The following AGRN variants were observed in gnomAD, a reference collection of about 807,000 sequenced individuals.
The protein encoded by AGRN is agrin proteoglycan.
In AGRN, 106 loss-of-function variants were observed where a neutral mutation model predicts 211.0. That is an observed-to-expected ratio of 0.50 (90% CI 0.43 to 0.59). AGRN has a LOEUF of 0.59. Among genes scored for constraint, AGRN ranks in the 20% least tolerant of loss-of-function variants. AGRN has a pLI of 0.00. For missense variants in AGRN, 3,040 were observed against 2,982.6 expected (o/e 1.02, Z -0.45); for synonymous variants, 1,525 against 1,332.5 (o/e 1.14, Z -3.15).
chr1:1,055,390 C>T lies in AGRN; in HGVS notation c.*409C>T. Reference sequence around the variant, plus strand: ...GTGACCCCACAGGGCCTTTCCAAGCCCCCATTTGAGCTGCTCCTTCCTGTG... The same window carrying T: ...GTGACCCCACAGGGCCTTTCCAAGCTCCCATTTGAGCTGCTCCTTCCTGTG... On this transcript the variant is annotated 3_prime_UTR_variant, in exon 36 of 36. Coordinates refer to ENST00000379370, the MANE Select transcript of AGRN (RefSeq NM_198576.4). 2 of 345,332 alleles carry T rather than the reference C, an allele frequency of 5.8e-6. No homozygotes were observed. The highest frequency in any genetic ancestry group is 1.1e-5 in the Non-Finnish European group (2 of 176,582). The allele number at this position is 345,332 out of a possible 1,614,324, so 21.4% of individuals were successfully genotyped here.
At chr1:1,046,117 G>T (rs760753192) in intron 16 of AGRN, 29 bp downstream of exon 16, 2 of 1,613,972 alleles carry the variant, frequency 1.2e-6, no homozygotes, top group Admixed American at 1.7e-5. Context: ...GAAGGGGAGT[G>T]GGGAGGAGGC....
rs768957231 is a variant in AGRN at position 1,048,997 on chromosome 1, T to A, written c.4236T>A (p.Asn1412Lys). Residue 1412 changes from asparagine to lysine, a missense_variant, in exon 24 of 36, where the codon AAT becomes AAA. Around this residue, in one of 3 missense-constraint regions of AGRN, gnomAD observed 1,537 missense variants for 1,505.0 expected, o/e 1.02. Transcript: ENST00000379370. This position sits in a 1 kb window ranked among gnomAD's most constrained non-coding sequence, Gnocchi z 5.9. Reference protein sequence around the residue: ...ALEPQGLLLYNGNARGKDFLA... With the variant: ...ALEPQGLLLYKGNARGKDFLA... ...AGCCTCAGGGGCTGCTGCTGTACAATGGCAACGCCCGGGGCAAGGACTTCC... is the reference window on the plus strand; with the variant it reads ...AGCCTCAGGGGCTGCTGCTGTACAAAGGCAACGCCCGGGGCAAGGACTTCC... The A allele has an allele frequency of 8.2e-6, 13 of 1,577,822 alleles. No individual in the cohort carries two copies. Among genetic ancestry groups the A allele is most frequent in the Non-Finnish European group, 1.1e-5 (13 of 1,164,242 alleles).
intron 12 of AGRN, 134 bp from the exon 13 acceptor site, chr1:1,045,027 C>T: frequency 2.1e-6 from 2 of 930,736 alleles, no homozygotes; most frequent in Admixed American, 3.8e-5. Context: ...CAGCCCCAGG[C>T]TCCCGGGCTC....
chr1:1,034,953 G>A (rs1274968469), intron 2 of AGRN: 3 of 475,584 alleles, frequency 6.3e-6, no homozygotes, highest in African/African-American at 5.8e-5. Context: ...TACACTGAGA[G>A]CCGGCAGTTG....
rs144883257 is a variant in AGRN, at chr1:1,032,776, G to C, written c.464-2501G>C. On this transcript the variant is annotated intron_variant, in intron 2 of 35. Transcript: ENST00000379370. This position sits in a 1 kb window ranked among gnomAD's most constrained non-coding sequence, Gnocchi z 4.7. ...CATTGCAGGGACAGAGGAGAGGGCA[G>C]GGTAATGGGTGCGCAGGGGTCCCTT... Among the ~76,000 whole-genome samples the C allele has an allele frequency of 6.6e-5, 10 of 152,318 alleles. No homozygotes were observed. Among genetic ancestry groups the C allele is most frequent in the East Asian group, 5.8e-4 (3 of 5,188 alleles).
intron 25 of AGRN, 21 bp downstream of exon 25, chr1:1,049,472 T>G: frequency 6.2e-7 from 1 of 1,600,250 alleles, no homozygotes; most frequent in African/African-American, 1.3e-5. Flanking sequence ...TGGAGGGTGG[T>G]GTGGCCCCGA....
At chr1:1,042,423 C>T (rs746013473) in intron 7 of AGRN, among the ~76,000 whole-genome samples, 2 of 152,186 alleles carry the variant, frequency 1.3e-5, no homozygotes, top group African/African-American at 2.4e-5. Flanking sequence ...AGTCCTCTGG[C>T]CTGTCCGCAT....
chr1:1,027,510 C>T (rs548941436), intron 2 of AGRN, among the ~76,000 whole-genome samples: 1 of 152,196 alleles, frequency 6.6e-6, no homozygotes, highest in South Asian at 2.1e-4. Flanking sequence ...CTCTCCTGCC[C>T]CCTGCTCACT....
intron 34 of AGRN, among the ~76,000 whole-genome samples, 198 bp downstream of exon 34, chr1:1,054,175 A>G (rs1042263686): frequency 6.6e-6 from 1 of 152,206 alleles, no homozygotes; most frequent in Non-Finnish European, 1.5e-5. Context: ...TCTGAAAGGC[A>G]TCCCGGCCCT....
intron 2 of AGRN, among the ~76,000 whole-genome samples, chr1:1,022,877 G>A (rs1345671251): frequency 1.3e-5 from 2 of 152,186 alleles, no homozygotes; most frequent in East Asian, 1.9e-4. Context: ...GAGATCGGGC[G>A]GGAGGGCGAG....
At position 1,040,758 on chromosome 1, in the gene AGRN, GC is replaced by G; in HGVS notation, c.609del (p.Ser204AlafsTer48). ...RASCVCKKSPCPSVVAPVCGS... is the reference protein window; with the variant it reads ...RASCVCKKSPXPSVVAPVCGS... ...TCCTGCGTCTGCAAGAAGAGCCCGTGCCCCAGCGTGGTGGCGCCTGTGTGTG... is the reference window on the plus strand; with the variant it reads ...TCCTGCGTCTGCAAGAAGAGCCCGTGCCCAGCGTGGTGGCGCCTGTGTGTG... On this transcript the variant is annotated frameshift_variant, in exon 4 of 36. Transcript: ENST00000379370. LOFTEE classifies it high-confidence loss of function. 6.5e-7 allele frequency: 1 copy of G among 1,542,758 alleles called. No homozygotes were observed.
chr1:1,041,425 G>C (rs1293414485), intron 5 of AGRN, 28 bp downstream of exon 5: 4 of 1,547,102 alleles, frequency 2.6e-6, no homozygotes, highest in Non-Finnish European at 2.6e-6. Context: ...CGCACGGCTC[G>C]AGCTCTGTGG....
intron 2 of AGRN, among the ~76,000 whole-genome samples, chr1:1,028,295 G>C (rs1284574194): frequency 3.3e-5 from 5 of 149,352 alleles, no homozygotes; most frequent in African/African-American, 1.2e-4. Flanking sequence ...TCCCCTGCTG[G>C]CCGTTCTCTC....
intron 2 of AGRN, among the ~76,000 whole-genome samples, chr1:1,028,094 G>A (rs958258559): frequency 2.0e-5 from 3 of 152,120 alleles, no homozygotes; most frequent in Admixed American, 1.3e-4. Flanking sequence ...ACACACTCAC[G>A]GTTGGCACCT....
chr1:1,040,728 G>T lies in AGRN; in HGVS notation c.575G>T (p.Arg192Leu), dbSNP rs1319735888. 1.3e-6 allele frequency: 2 copies of T among 1,546,168 alleles called. No homozygotes were observed. The highest frequency in any genetic ancestry group is 8.7e-7 in the Non-Finnish European group (1 of 1,147,166). The change falls in exon 4 of 36, where the codon CGG becomes CTG. Residue 192 changes from arginine to leucine, a missense_variant. Arg to Leu is a moderately radical substitution (Grantham distance 102). Coordinates refer to ENST00000379370, the MANE Select transcript of AGRN (RefSeq NM_198576.4). ...VCEPNAEGPG[R>L]ASCVCKKSPC... is the part of the protein sequence containing the mutation. Reference sequence around the variant, plus strand: ...GAGCCCAACGCGGAGGGGCCGGGCCGGGCGTCCTGCGTCTGCAAGAAGAGC... The same window carrying T: ...GAGCCCAACGCGGAGGGGCCGGGCCTGGCGTCCTGCGTCTGCAAGAAGAGC...
chr1:1,041,971 C>T lies in AGRN; in HGVS notation c.1193C>T (p.Pro398Leu). ...QCQGRDQCPEPCRFNAVCLSR... is the reference protein window; with the variant it reads ...QCQGRDQCPELCRFNAVCLSR... ...TGCGTCCTAGACCAGTGCCCGGAGC[C>T]CTGCCGGTTCAATGCCGTGTGCCTG... The change falls in exon 7 of 36, where the codon CCC (proline) becomes CTC (leucine). Residue 398 changes from proline (P) to leucine (L), a missense_variant. Around this residue, in one of 3 missense-constraint regions of AGRN, gnomAD observed 1,498 missense variants for 1,457.8 expected, o/e 1.03. Coordinates refer to ENST00000379370, the MANE Select transcript of AGRN (RefSeq NM_198576.4). 2 of 1,611,848 alleles carry T rather than the reference C, an allele frequency of 1.2e-6. No individual in the cohort carries two copies. The highest frequency in any genetic ancestry group is 1.1e-5 in the South Asian group (1 of 91,076).
intron 1 of AGRN, 66 bp from the exon 2 acceptor site, chr1:1,022,135 A>G: frequency 6.3e-7 from 1 of 1,599,928 alleles, no homozygotes; most frequent in South Asian, 1.1e-5. Context: ...CTAAACACCT[A>G]AAGCCCCCAG....
At chr1:1,024,881 CT>C (rs2100571531) in intron 2 of AGRN, among the ~76,000 whole-genome samples, 1 of 152,356 alleles carries the variant, frequency 6.6e-6, no homozygotes, top group Non-Finnish European at 1.5e-5. Flanking sequence ...AGGCCCGCTG[CT>C]CCCTCCGGAA....
At position 1,043,968 on chromosome 1, in the gene AGRN, C is replaced by G; in HGVS notation, c.1944C>G (p.Ala648=). 1.2e-6 allele frequency: 2 copies of G among 1,605,798 alleles called. No individual in the cohort carries two copies. Among genetic ancestry groups the G allele is most frequent in the Non-Finnish European group, 1.7e-6 (2 of 1,178,766 alleles). The change falls in exon 10 of 36, where the codon GCC becomes GCG. Residue 648 remains alanine, a synonymous_variant. Coordinates refer to ENST00000379370, the MANE Select transcript of AGRN (RefSeq NM_198576.4). ...GCAGTGCCTGCGAGCTACGGGAAGC[C>G]GCCTGCCTCCAGCAGACACAGATCG... ...TYGSACELRE[A]ACLQQTQIEE... is the part of the protein sequence containing the mutation.
Sources: allele counts gnomAD v4.1 joint callset (sites outside exome capture counted in the v4.1 genomes callset), GRCh38; gene constraint gnomAD v4.1.1; regional missense constraint gnomAD v4.1.1; non-coding constraint Gnocchi (gnomAD v3.1); transcripts MANE v1.5; gene names NCBI Gene and HGNC (gene_info 2026-07-23, HGNC 2026-07-21).